ASPHD1: variants seen among roughly 807,000 people sequenced by gnomAD.
ASPHD1 encodes aspartate beta-hydroxylase domain containing 1, also known as aspartate beta-hydroxylase domain-containing protein 1.
Under a neutral mutation model 28.3 loss-of-function variants are expected in ASPHD1, and 20 were observed. The ratio of observed to expected loss-of-function variants is 0.71; its 90% CI spans 0.50 to 1.03. The LOEUF (loss-of-function observed/expected upper bound fraction) is 1.03, where lower values mean the gene tolerates loss of function less well. Ranked by LOEUF, ASPHD1 falls within the 50% of genes least tolerant of loss-of-function variation. ASPHD1 has a pLI of 0.00. For synonymous variants in ASPHD1, 240 were observed against 221.2 expected, an observed-to-expected ratio of 1.08 and a Z score of -0.75; for missense variants, 479 against 524.1, an observed-to-expected ratio of 0.91 and a Z score of 0.84.
At position 29,905,892 on chromosome 16, in the gene ASPHD1, C is replaced by A. The variant is rs777971416; in HGVS notation, c.1168C>A (p.Pro390Thr). 19 of 1,612,224 alleles carry A rather than the reference C, an allele frequency of 1.2e-5. No homozygotes were observed. The South Asian group carries it at 2.0e-4, about 17-fold the overall frequency. ...CCTCGACTTTGTCTTCGCCCCAGAC[C>A]CTTGAAGGAAGGTGCTCCCTTCACA... ...QALDFVFAPD[P>T] Residue 390 changes from proline (P) to threonine (T), a missense_variant, in exon 3 of 3, where the codon CCT becomes ACT. By Grantham distance (38) the Pro-to-Thr change is conservative. Coordinates refer to ENST00000308748, the MANE Select transcript of ASPHD1 (RefSeq NM_181718.4).
chr16:29,902,535 T>A (rs1206433439), intron 1 of ASPHD1, among the ~76,000 whole-genome samples: 1 of 152,216 alleles, frequency 6.6e-6, no homozygotes, highest in African/African-American at 2.4e-5. Context: ...TTTTGAGGAG[T>A]CTCGCTCTGT....
chr16:29,914,373 G>C (rs935299986), intron 3 of ASPHD1: 3 of 152,096 alleles, frequency 2.0e-5, no homozygotes, highest in African/African-American at 7.3e-5. Flanking sequence ...ATCTCAGTCA[G>C]GTCCAGGTGG....
intron 3 of ASPHD1, among the ~76,000 whole-genome samples, chr16:29,915,567 A>C (rs1042752908): frequency 6.6e-6 from 1 of 151,662 alleles, no homozygotes; most frequent in Non-Finnish European, 1.5e-5. Context: ...CAGGAGAATC[A>C]CTTGAACCCA....
chr16:29,906,135 CTTT>C, downstream of ASPHD1: 1 of 319,164 alleles, frequency 3.1e-6, no homozygotes, highest in Non-Finnish European at 5.7e-6. Flanking sequence ...CAGGTACCTC[CTTT>C]TTTTTCTTTC....
intron 3 of ASPHD1, chr16:29,911,667 C>T (rs8047140): frequency 0.17 from 124,123 of 733,484 alleles, 16,774 homozygotes; most frequent in East Asian, 0.69. Context: ...CTGCCTAGAG[C>T]GTCAGGGGTA....
chr16:29,901,347 G>C lies in ASPHD1; in HGVS notation c.376G>C (p.Gly126Arg), dbSNP rs1389344119. The change falls in exon 1 of 3, where the codon GGC becomes CGC. Residue 126 changes from glycine to arginine, a missense_variant. Transcript: ENST00000308748. The surrounding 1 kb of genome is among the most constrained non-coding windows in gnomAD (Gnocchi z 5.1). Reference sequence around the variant, plus strand: ...TGGGCCTGTGGGATGCTCGGAGGCCGGCGGGCCAAGCCCAGGGGGTCCTGG... The same window carrying C: ...TGGGCCTGTGGGATGCTCGGAGGCCCGCGGGCCAAGCCCAGGGGGTCCTGG... ...RGGPVGCSEA[G>R]GPSPGGPGDP... 6.2e-7 allele frequency: 1 copy of C among 1,601,574 alleles called. No individual in the cohort carries two copies. Among genetic ancestry groups the C allele is most frequent in the South Asian group, 1.1e-5 (1 of 89,998 alleles).
chr16:29,907,788 A>G (rs1012520364), downstream of ASPHD1, among the ~76,000 whole-genome samples: 2 of 151,750 alleles, frequency 1.3e-5, no homozygotes, highest in African/African-American at 4.8e-5. Context: ...CCCATCTCAA[A>G]ATAAATAAAT....
At chr16:29,903,191 C>T (rs771271489) in intron 1 of ASPHD1, among the ~76,000 whole-genome samples, 28 of 151,586 alleles carry the variant, frequency 1.8e-4, no homozygotes, top group South Asian at 1.0e-3. Context: ...CCTGTCTCTA[C>T]TAAAATTACA....
downstream of ASPHD1, chr16:29,906,353 T>C (rs2068612384): frequency 5.0e-6 from 1 of 201,434 alleles, no homozygotes; most frequent in Non-Finnish European, 1.0e-5. Context: ...TCAACTTAAC[T>C]TTATTTCAAT....
rs748786645 is a variant in ASPHD1, at chr16:29,901,568, C to T, written c.597C>T (p.Pro199=). ...LLFLPDLPSA[P]FVPRDAQRHD... is the part of the protein sequence containing the mutation. ...TCCTACCAGACCTGCCTTCAGCCCCCTTTGTGCCGCGGGACGCCCAGCGGC... is the reference window on the plus strand; with the variant it reads ...TCCTACCAGACCTGCCTTCAGCCCCTTTTGTGCCGCGGGACGCCCAGCGGC... Residue 199 remains proline, a synonymous_variant, in exon 1 of 3, where the codon CCC becomes CCT. Coordinates refer to ENST00000308748, the MANE Select transcript of ASPHD1 (RefSeq NM_181718.4). The surrounding 1 kb of genome is among the most constrained non-coding windows in gnomAD (Gnocchi z 5.1). The T allele has an allele frequency of 1.9e-5, 30 of 1,547,040 alleles. No individual in the cohort carries two copies. The East Asian group carries it at 2.9e-4, about 15-fold the overall frequency.
chr16:29,918,453 T>C lies in ASPHD1; in HGVS notation c.*63-1078T>C, dbSNP rs527658509. On this transcript the variant is annotated intron_variant and NMD_transcript_variant, in intron 3 of 3. Transcript: ENST00000414952. ...TTCTAAACAAAATGTTTAATATCAGTCATTTTATTTATTTTATTATTTATT... is the reference window on the plus strand; with the variant it reads ...TTCTAAACAAAATGTTTAATATCAGCCATTTTATTTATTTTATTATTTATT... 2.6e-5 allele frequency among the ~76,000 whole-genome samples: 4 copies of C among 152,294 alleles called. No homozygotes were observed. In the East Asian group the frequency reaches 5.8e-4, roughly 22 times the overall value.
intron 3 of ASPHD1, chr16:29,913,321 G>C (rs747816974): frequency 7.2e-5 from 11 of 152,090 alleles, no homozygotes; most frequent in Non-Finnish European, 1.0e-4. Flanking sequence ...CCACAACAGT[G>C]AGAACGGTAT....
rs775641047 is a variant in ASPHD1 at position 29,904,837 on chromosome 16, C to T, written c.950-15C>T. Reference sequence around the variant, plus strand: ...TGGAGGCAGGAGTGCTGGATGCCCGCGTCTCTTCTTACAGGCCTAAAGATC... The same window carrying T: ...TGGAGGCAGGAGTGCTGGATGCCCGTGTCTCTTCTTACAGGCCTAAAGATC... On this transcript the variant is annotated splice_polypyrimidine_tract_variant and intron_variant, in intron 1 of 2. Transcript: ENST00000308748. The T allele has an allele frequency of 2.8e-5, 44 of 1,589,794 alleles. No homozygotes were observed. The highest frequency in any genetic ancestry group is 1.7e-4 in the Middle Eastern group (1 of 5,968).
intron 3 of ASPHD1, among the ~76,000 whole-genome samples, chr16:29,918,215 T>C (rs1040676696): frequency 6.6e-5 from 10 of 152,244 alleles, no homozygotes; most frequent in Non-Finnish European, 1.2e-4. Flanking sequence ...GTGTCATTGA[T>C]AGGTAACTGC....
intron 3 of ASPHD1, among the ~76,000 whole-genome samples, chr16:29,915,894 C>T (rs1217664295): frequency 1.3e-5 from 2 of 152,328 alleles, no homozygotes; most frequent in East Asian, 3.9e-4. Flanking sequence ...TTAATTTTAA[C>T]ATCACTTGTT....
At chr16:29,917,082 T>C (rs1244086071) in intron 3 of ASPHD1, among the ~76,000 whole-genome samples, 1 of 152,210 alleles carries the variant, frequency 6.6e-6, no homozygotes, top group Non-Finnish European at 1.5e-5. Context: ...CAATGTCCTA[T>C]TGGTCATACA....
At chr16:29,917,398 G>A (rs974799137) in intron 3 of ASPHD1, among the ~76,000 whole-genome samples, 5 of 152,138 alleles carry the variant, frequency 3.3e-5, no homozygotes, top group African/African-American at 7.2e-5. Context: ...TGTAATCCCA[G>A]CACTTTGGGA....
downstream of ASPHD1, chr16:29,911,047 C>T (rs2068698970): frequency 6.2e-7 from 1 of 1,614,052 alleles, no homozygotes; most frequent in Admixed American, 1.7e-5. Context: ...TGCGGCCCTG[C>T]CCGTAGAAAG....
downstream of ASPHD1, chr16:29,906,797 A>G: frequency 1.5e-6 from 2 of 1,358,632 alleles, no homozygotes; most frequent in Admixed American, 1.9e-5. Context: ...AGCCGGGGCA[A>G]AAGTCTGGGA....
Sources: gnomAD v4.1 joint callset for allele counts (sites outside exome capture counted in the v4.1 genomes callset) on GRCh38, gnomAD v4.1.1 for gene constraint, Gnocchi (gnomAD v3.1) non-coding constraint, MANE v1.5 for transcripts, NCBI Gene and HGNC (gene_info 2026-07-23, HGNC 2026-07-21) for gene names.